The following TPTE2 variants were observed in gnomAD, a reference collection of about 807,000 sequenced individuals.
TPTE2 encodes phosphatidylinositol 3,4,5-trisphosphate 3-phosphatase TPTE2.
TPTE2 carries 53 observed loss-of-function variants against 78.6 expected under a neutral mutation model. The ratio of observed to expected loss-of-function variants is 0.67; its 90% CI spans 0.54 to 0.85. The LOEUF (loss-of-function observed/expected upper bound fraction) is 0.85, where lower values mean the gene tolerates loss of function less well. TPTE2 is among the 40% of genes least tolerant of loss of function. The pLI, the probability that TPTE2 is intolerant of heterozygous loss-of-function variation, is 0.00. For missense variants in TPTE2, 461 were observed against 623.0 expected (o/e 0.74, Z 2.77); for synonymous variants, 175 against 206.2 (o/e 0.85, Z 1.30).
At chr13:19,499,317 A>T (rs1318137621) in intron 1 of TPTE2, among the ~76,000 whole-genome samples, 1 of 151,880 alleles carries the variant, frequency 6.6e-6, no homozygotes, top group Non-Finnish European at 1.5e-5. Context: ...CATCTACAGA[A>T]CTCTCCACCC....
intron 1 of TPTE2, among the ~76,000 whole-genome samples, chr13:19,496,101 C>G (rs1295611313): frequency 1.3e-5 from 2 of 152,290 alleles, no homozygotes; most frequent in African/African-American, 4.8e-5. Context: ...CTACTGATCT[C>G]GTTATCCACC....
upstream of TPTE2, among the ~76,000 whole-genome samples, chr13:19,503,605 T>G (rs971941451): frequency 9.9e-5 from 15 of 152,152 alleles, no homozygotes; most frequent in African/African-American, 2.9e-4. Flanking sequence ...AGCCCTCTTA[T>G]TCCACTAAAT....
intron 13 of TPTE2, among the ~76,000 whole-genome samples, chr13:19,442,116 A>C (rs1452722265): frequency 6.6e-6 from 1 of 152,168 alleles, no homozygotes; most frequent in African/African-American, 2.4e-5. Flanking sequence ...TCAACAATGC[A>C]TAATACATGT....
chr13:19,480,582 T>C (rs920415146), intron 4 of TPTE2, among the ~76,000 whole-genome samples: 1 of 152,120 alleles, frequency 6.6e-6, no homozygotes, highest in African/African-American at 2.4e-5. Context: ...CAAGACAACC[T>C]GGGAGAAATT....
chr13:19,527,776 G>A (rs1249941661), intron 1 of TPTE2, among the ~76,000 whole-genome samples: 1 of 152,208 alleles, frequency 6.6e-6, no homozygotes, highest in African/African-American at 2.4e-5. Flanking sequence ...TCACAAGGCT[G>A]ATACAGGATG....
At chr13:19,524,636 G>A (rs1870387402) in intron 1 of TPTE2, among the ~76,000 whole-genome samples, 3 of 152,132 alleles carry the variant, frequency 2.0e-5, no homozygotes. Context: ...TCAGGAAGCA[G>A]GTTTAAAAGT....
intron 1 of TPTE2, among the ~76,000 whole-genome samples, chr13:19,513,454 T>C (rs1158583707): frequency 6.6e-6 from 1 of 152,234 alleles, no homozygotes; most frequent in Non-Finnish European, 1.5e-5. Context: ...CCAGTATCTA[T>C]TATGTCATCA....
chr13:19,444,930 G>GA (rs1333881810), intron 13 of TPTE2, among the ~76,000 whole-genome samples: 2 of 152,134 alleles, frequency 1.3e-5, no homozygotes, highest in Non-Finnish European at 2.9e-5. Context: ...AGCCATACAT[G>GA]AAAAAAGATG....
chr13:19,472,234 T>C (rs961422816), intron 6 of TPTE2, among the ~76,000 whole-genome samples: 12 of 152,192 alleles, frequency 7.9e-5, no homozygotes, highest in Admixed American at 7.9e-4. Flanking sequence ...GGACGTTCTG[T>C]TACTATCCCT....
chr13:19,465,189 C>T, intron 9 of TPTE2, 66 bp downstream of exon 12: 1 of 1,598,652 alleles, frequency 6.3e-7, no homozygotes, highest in Non-Finnish European at 8.6e-7. Flanking sequence ...TTAGATGAGG[C>T]AAAAAAATAC....
chr13:19,560,944 C>G, the TPTE2 span: 1 of 1,597,584 alleles, frequency 6.3e-7, no homozygotes, highest in Non-Finnish European at 8.6e-7. Context: ...CCTGGATGGT[C>G]CTCTTGAAGA....
chr13:19,477,168 CGGAT>C (rs1880010019), intron 4 of TPTE2, among the ~76,000 whole-genome samples: 1 of 151,722 alleles, frequency 6.6e-6, no homozygotes, highest in African/African-American at 2.4e-5. Context: ...ATCATAAGGA[CGGAT>C]GAACACAAAG....
chr13:19,504,159 A>G (rs964539938), upstream of TPTE2, among the ~76,000 whole-genome samples: 55 of 152,134 alleles, frequency 3.6e-4, no homozygotes, highest in African/African-American at 1.3e-3. Flanking sequence ...TCCAACACCA[A>G]TATGACATCC....
chr13:19,499,986 G>C (rs1881658744), intron 1 of TPTE2, among the ~76,000 whole-genome samples: 6 of 146,478 alleles, frequency 4.1e-5, no homozygotes, highest in East Asian at 3.9e-4. Flanking sequence ...CAATCCCACA[G>C]AAATACAAAC....
In TPTE2 at chr13:19,424,536, A is replaced by G. The variant is rs186960532; in HGVS notation, c.1466+411T>C. Among the ~76,000 whole-genome samples the G allele has an allele frequency of 3.5e-3, 538 of 152,306 alleles. 1 individual carries two copies. Among genetic ancestry groups the G allele is most frequent in the Non-Finnish European group, 6.2e-3 (425 of 68,018 alleles). On this transcript the variant is annotated intron_variant, in intron 19 of 19. Coordinates refer to ENST00000400230, the Ensembl canonical transcript of TPTE2. ...GTCCGTCAGCTTTTCAGCTAGCTGA[A>G]GCCTCCCTAGGTCCTGCCTTACTTT...
intron 10 of TPTE2, chr13:19,458,851 A>G (rs1878709298): frequency 3.1e-6 from 1 of 317,488 alleles, no homozygotes; most frequent in Non-Finnish European, 6.3e-6. Flanking sequence ...TGTCTTTACT[A>G]TTGTGAATAC....
rs115313658 is a variant in TPTE2 at position 19,529,190 on chromosome 13, T to C, written c.-44+7406A>G. On this transcript the variant is annotated intron_variant, in intron 1 of 17. Coordinates refer to the TPTE2 transcript ENST00000390680. Reference sequence around the variant, plus strand: ...ACCCAAGGCAACTGATAGGCTCATTTAGGCTCTGTCTTCCAGTGACAATGA... The same window carrying C: ...ACCCAAGGCAACTGATAGGCTCATTCAGGCTCTGTCTTCCAGTGACAATGA... Among the ~76,000 whole-genome samples the C allele has an allele frequency of 6.7e-3, 1,023 of 152,332 alleles. 9 individuals carry two copies. Among genetic ancestry groups the C allele is most frequent in the African/African-American group, 0.022 (906 of 41,574 alleles).
intron 10 of TPTE2, among the ~76,000 whole-genome samples, chr13:19,463,027 A>C (rs1190188087): frequency 6.6e-6 from 1 of 151,714 alleles, no homozygotes; most frequent in African/African-American, 2.4e-5. Context: ...TCTGCCACCC[A>C]GGCTGGAGTG....
In TPTE2 at chr13:19,513,028, C is replaced by T. The variant is rs996311360; in HGVS notation, c.-43-9751G>A. On this transcript the variant is annotated intron_variant, in intron 1 of 17. Transcript: ENST00000390680. ...AAGGGAATAGTAACAACAGCAGCAGCGCTTGTTTTATTTAAATGTAGAAAA... is the reference window on the plus strand; with the variant it reads ...AAGGGAATAGTAACAACAGCAGCAGTGCTTGTTTTATTTAAATGTAGAAAA... Among the ~76,000 whole-genome samples, 12 of 152,188 alleles carry T rather than the reference C, an allele frequency of 7.9e-5. No individual in the cohort carries two copies. In the South Asian group the frequency reaches 1.7e-3, roughly 21 times the overall value.
Sources: allele counts gnomAD v4.1 joint callset (sites outside exome capture counted in the v4.1 genomes callset), GRCh38; gene constraint gnomAD v4.1.1; transcripts MANE v1.5; gene names NCBI Gene and HGNC (gene_info 2026-07-23, HGNC 2026-07-21).